Variants in LIMCH1 observed in about 807,000 individuals in gnomAD.
LIMCH1 encodes the protein LIM and calponin homology domains 1.
Under a neutral mutation model 176.5 loss-of-function variants are expected in LIMCH1, and 113 were observed. The ratio of observed to expected loss-of-function variants is 0.64; its 90% CI spans 0.55 to 0.75. The LOEUF (loss-of-function observed/expected upper bound fraction) is 0.75. LIMCH1 is among the 30% of genes least tolerant of loss of function. The probability of loss-of-function intolerance (pLI) is 0.00; values close to 1 mark genes in which losing one functional copy is unlikely to be tolerated. For missense variants in LIMCH1, 1,674 were observed against 1,814.9 expected, an observed-to-expected ratio of 0.92 and a Z score of 1.41; for synonymous variants, 619 against 645.9, an observed-to-expected ratio of 0.96 and a Z score of 0.63.
At chr4:41,492,126 T>C (rs1002066431) in intron 1 of LIMCH1, among the ~76,000 whole-genome samples, 3 of 151,994 alleles carry the variant, frequency 2.0e-5, no homozygotes, top group African/African-American at 7.3e-5. Context: ...GAGCATTGAG[T>C]GAGCGAGACT....
At chr4:41,620,780 T>C in intron 7 of LIMCH1, 90 bp downstream of exon 7, 1 of 1,381,572 alleles carries the variant, frequency 7.2e-7, no homozygotes, top group South Asian at 1.5e-5. Context: ...TTCATCTGAT[T>C]TTTCCACTTC....
Position 41,631,382 on chromosome 4 carries a change from T to G in LIMCH1, c.1506T>G (p.His502Gln). 6.5e-7 allele frequency: 1 copy of G among 1,536,286 alleles called. No individual in the cohort carries two copies. The highest frequency in any genetic ancestry group is 8.7e-7 in the Non-Finnish European group (1 of 1,146,944). The change falls in exon 10 of 32, where the codon CAT (histidine) becomes CAG (glutamine). Residue 502 changes from histidine to glutamine, a missense_variant. Coordinates refer to ENST00000503057, the MANE Select transcript of LIMCH1 (RefSeq NM_001330672.2). ...AGGATGAAGAAGAAGTCATCTGTCA[T>G]GGCAGCAAGATTCAAATGGACTCTG... is the stretch of plus-strand genomic sequence containing the variant. ...PREDEEEVIC[H>Q]GSKIQMDSVS... is the part of the protein sequence containing the mutation.
chr4:41,433,928 G>T (rs1053678412), intron 1 of LIMCH1, among the ~76,000 whole-genome samples: 2 of 152,150 alleles, frequency 1.3e-5, no homozygotes, highest in African/African-American at 4.8e-5. Context: ...AGAGGGGCTC[G>T]TCTTAGCTGG....
chr4:41,469,315 G>A (rs2066605877), intron 1 of LIMCH1, among the ~76,000 whole-genome samples: 1 of 152,190 alleles, frequency 6.6e-6, no homozygotes, highest in Non-Finnish European at 1.5e-5. Flanking sequence ...TACAAGTATG[G>A]TTACAACTCA....
At chr4:41,384,082 G>A (rs1242203964) in intron 1 of LIMCH1, among the ~76,000 whole-genome samples, 1 of 152,216 alleles carries the variant, frequency 6.6e-6, no homozygotes, top group African/African-American at 2.4e-5. Context: ...TAAAAAGGTT[G>A]TTAGAGATCT....
intron 1 of LIMCH1, among the ~76,000 whole-genome samples, chr4:41,361,872 C>G (rs960787126): frequency 5.3e-5 from 8 of 152,148 alleles, no homozygotes; most frequent in African/African-American, 1.9e-4. Context: ...AATGGGTGGC[C>G]TTTCTGGAGG....
At chr4:41,538,841 T>A (rs2078259434) in intron 1 of LIMCH1, among the ~76,000 whole-genome samples, 1 of 152,048 alleles carries the variant, frequency 6.6e-6, no homozygotes, top group Non-Finnish European at 1.5e-5. Context: ...TTTCTTAAAA[T>A]GAGGAGGAAA....
At chr4:41,588,030 G>A (rs1056389876) in intron 1 of LIMCH1, among the ~76,000 whole-genome samples, 5 of 151,780 alleles carry the variant, frequency 3.3e-5, no homozygotes, top group African/African-American at 9.7e-5. Flanking sequence ...GGTGTGCTGC[G>A]CCCATTAACT....
chr4:41,472,034 A>G (rs1184483692), intron 1 of LIMCH1, among the ~76,000 whole-genome samples: 1 of 152,136 alleles, frequency 6.6e-6, no homozygotes, highest in Non-Finnish European at 1.5e-5. Flanking sequence ...TAATTCCTTT[A>G]TGGTTTAAAA....
intron 1 of LIMCH1, among the ~76,000 whole-genome samples, chr4:41,444,370 G>T (rs1174851954): frequency 2.0e-5 from 3 of 150,378 alleles, no homozygotes; most frequent in African/African-American, 7.3e-5. Context: ...AGAGTGCAGG[G>T]CATAGCATAA....
intron 1 of LIMCH1, among the ~76,000 whole-genome samples, chr4:41,383,119 C>T (rs911204290): frequency 6.6e-6 from 1 of 152,154 alleles, no homozygotes; most frequent in Admixed American, 6.5e-5. Flanking sequence ...TTGAATTGTC[C>T]ATCTTATATT....
intron 1 of LIMCH1, among the ~76,000 whole-genome samples, chr4:41,597,328 T>G (rs1024334431): frequency 6.6e-6 from 1 of 152,204 alleles, no homozygotes; most frequent in Non-Finnish European, 1.5e-5. Flanking sequence ...TGTACAGGAA[T>G]TAAATGAGTG....
intron 1 of LIMCH1, among the ~76,000 whole-genome samples, chr4:41,386,871 T>C (rs2056564111): frequency 6.6e-6 from 1 of 152,224 alleles, no homozygotes; most frequent in African/African-American, 2.4e-5. Context: ...TGCTGTTATA[T>C]GGTAGGAAAA....
intron 1 of LIMCH1, among the ~76,000 whole-genome samples, chr4:41,566,175 A>G (rs1031889027): frequency 1.3e-5 from 2 of 152,140 alleles, no homozygotes; most frequent in African/African-American, 2.4e-5. Flanking sequence ...GAGCCCCTCC[A>G]CATCATCTAT....
intron 1 of LIMCH1, among the ~76,000 whole-genome samples, chr4:41,589,420 G>A (rs2087082465): frequency 6.6e-6 from 1 of 152,176 alleles, no homozygotes; most frequent in African/African-American, 2.4e-5. Context: ...CAGAAATGTA[G>A]TGGGTAACAG....
intron 1 of LIMCH1, among the ~76,000 whole-genome samples, chr4:41,463,144 G>T (rs566610852): frequency 1.3e-5 from 2 of 149,912 alleles, no homozygotes; most frequent in Admixed American, 6.6e-5. Flanking sequence ...AGTTACACAC[G>T]TAGAGAATAA....
intron 6 of LIMCH1, 169 bp from the exon 7 acceptor site, chr4:41,620,255 T>C (rs2092459508): frequency 1.5e-6 from 1 of 669,252 alleles, no homozygotes; most frequent in Non-Finnish European, 2.4e-6. Context: ...ATGCATTGTA[T>C]GAATTAAATG....
chr4:41,512,242 G>A (rs375147816), intron 2 of LIMCH1, among the ~76,000 whole-genome samples: 18 of 152,222 alleles, frequency 1.2e-4, no homozygotes, highest in African/African-American at 3.6e-4. Flanking sequence ...TAATAAAAAA[G>A]GAAGACAGTA....
chr4:41,415,759 C>A (rs779840775), intron 1 of LIMCH1, among the ~76,000 whole-genome samples: 1 of 151,994 alleles, frequency 6.6e-6, no homozygotes, highest in African/African-American at 2.4e-5. Flanking sequence ...AGGCAGATCG[C>A]GAGGTCAGGA....
Sources: gnomAD v4.1 joint callset for allele counts (sites outside exome capture counted in the v4.1 genomes callset) on GRCh38, gnomAD v4.1.1 for gene constraint, MANE v1.5 for transcripts, NCBI Gene and HGNC (gene_info 2026-07-23, HGNC 2026-07-21) for gene names.